Variants in USP9Y observed in about 807,000 individuals in gnomAD.
The protein encoded by USP9Y is ubiquitin carboxyl-terminal hydrolase 9Y.
In USP9Y, 41 loss-of-function variants were observed where a neutral mutation model predicts 53.1. That is an observed-to-expected ratio of 0.77 (90% CI 0.60 to 1.00). The LOEUF is 1.00. USP9Y is among the 50% of genes least tolerant of loss of function. USP9Y has a pLI of 0.00. For missense variants in USP9Y, 567 were observed against 535.8 expected, an observed-to-expected ratio of 1.06 and a Z score of -0.58; for synonymous variants, 220 against 173.7, an observed-to-expected ratio of 1.27 and a Z score of -2.09.
At position 12,745,040 on chromosome Y, in the gene USP9Y, A is replaced by C; in HGVS notation, c.1422+5411A>C. On this transcript the variant is annotated intron_variant, in intron 12 of 45. Transcript: ENST00000338981. ...GCTGGTTAGTTTACAGGAATAAGCA[A>C]TGTTAGTTTAAAATGTAGGCAGGAA... Among the ~76,000 whole-genome samples, 9 of 33,993 alleles carry C rather than the reference A, an allele frequency of 2.6e-4. No homozygotes were observed. The Middle Eastern group carries it at 0.12, about 459-fold the overall frequency. 91.2% of individuals were successfully genotyped at this position (33,993 alleles called of 37,273 possible). A position where few individuals can be genotyped will look rare whatever the true frequency, so the allele number is the denominator to read the frequency against.
At chrY:12,825,029 C>T (rs2053544892) in intron 33 of USP9Y, among the ~76,000 whole-genome samples, 1 of 32,270 alleles carries the variant, frequency 3.1e-5, no homozygotes, top group Non-Finnish European at 7.5e-5. Flanking sequence ...CAGGTTCAAG[C>T]GATTCTCCTG....
At chrY:12,775,274 C>T (rs1603199315) in intron 17 of USP9Y, among the ~76,000 whole-genome samples, 197 bp from the exon 18 acceptor site, 4 of 32,478 alleles carry the variant, frequency 1.2e-4, no homozygotes, top group East Asian at 1.6e-3. Context: ...CTTAAGCAAA[C>T]GGCTTTGTTC....
chrY:12,722,535 T>C, intron 5 of USP9Y, among the ~76,000 whole-genome samples: 1 of 32,999 alleles, frequency 3.0e-5, no homozygotes, highest in Non-Finnish European at 7.4e-5. Context: ...GGTGAGAATA[T>C]ATATTTTTTA....
At chrY:12,765,093 AT>A (rs2053479125) in intron 15 of USP9Y, among the ~76,000 whole-genome samples, 1 of 33,752 alleles carries the variant, frequency 3.0e-5, no homozygotes, top group South Asian at 6.6e-4. Flanking sequence ...ATTAAAACAT[AT>A]TTTATATATT....
intron 33 of USP9Y, among the ~76,000 whole-genome samples, chrY:12,820,634 C>A (rs2053540706): frequency 3.0e-5 from 1 of 33,367 alleles, no homozygotes; most frequent in Non-Finnish European, 7.4e-5. Flanking sequence ...TTTTTTCTTT[C>A]CCTAGCGTAT....
chrY:12,859,452 A>G lies in USP9Y; in HGVS notation c.*36A>G. 2.5e-6 allele frequency: 1 copy of G among 393,583 alleles called. No homozygotes were observed. The highest frequency in any genetic ancestry group is 3.6e-6 in the Non-Finnish European group (1 of 279,179). ...TTAACTGCTTCCTTTATGACTATGC[A>G]CTAAGGTCTTATAGTCCAAACTTTC... On this transcript the variant is annotated 3_prime_UTR_variant, in exon 46 of 46. Coordinates refer to ENST00000338981, the MANE Select transcript of USP9Y (RefSeq NM_004654.4).
intron 21 of USP9Y, 105 bp downstream of exon 21, chrY:12,778,860 G>A: frequency 1.5e-5 from 3 of 198,470 alleles, no homozygotes; most frequent in Non-Finnish European, 2.6e-5. Context: ...AAATGTCAAC[G>A]GTATAGTCAA....
chrY:12,786,529 A>G lies in USP9Y; in HGVS notation c.3290A>G (p.Tyr1097Cys). ...SQVLYLTEVV[Y>C]ALLMPAGVPL... is the part of the protein sequence containing the mutation. ...TTTTTTTTTTTTTTCCAGGTAGTTT[A>G]TGCCTTGTTAATGCCTGCTGGTGTG... is the stretch of plus-strand genomic sequence containing the variant. Residue 1097 changes from tyrosine to cysteine, a missense_variant, in exon 24 of 46, where the codon TAT (tyrosine) becomes TGT (cysteine). Transcript: ENST00000338981. 5.5e-6 allele frequency: 2 copies of G among 365,942 alleles called. No individual in the cohort carries two copies. The highest frequency in any genetic ancestry group is 7.5e-6 in the Non-Finnish European group (2 of 268,382). 91.3% of individuals were successfully genotyped at this position (365,942 alleles called of 400,897 possible).
chrY:12,710,637 T>C (rs778613980), intron 3 of USP9Y, among the ~76,000 whole-genome samples: 1 of 33,343 alleles, frequency 3.0e-5, no homozygotes, highest in East Asian at 7.7e-4. Context: ...CCTCATAGAA[T>C]GGCCTAGAAA....
intron 33 of USP9Y, 41 bp from the exon 34 acceptor site, chrY:12,833,647 G>A (rs1257304113): frequency 2.8e-6 from 1 of 359,894 alleles, no homozygotes; most frequent in African/African-American, 6.7e-5. Context: ...GATATTCTAG[G>A]CATGTATTAC....
At chrY:12,857,789 C>G in intron 45 of USP9Y, 128 bp downstream of exon 45, 1 of 161,335 alleles carries the variant, frequency 6.2e-6, no homozygotes, top group Admixed American at 1.1e-4. Flanking sequence ...ATATTTAAAA[C>G]TGGATAAACT....
chrY:12,831,386 A>G (rs2053550585), intron 33 of USP9Y, among the ~76,000 whole-genome samples: 1 of 33,250 alleles, frequency 3.0e-5, no homozygotes, highest in East Asian at 7.8e-4. Flanking sequence ...CTGTGAAAAA[A>G]TTGAAACCCT....
chrY:12,812,977 A>G lies in USP9Y; in HGVS notation c.4534A>G (p.Ile1512Val). The G allele has an allele frequency of 2.5e-6, 1 of 398,955 alleles. No homozygotes were observed. Among genetic ancestry groups the G allele is most frequent in the Middle Eastern group, 5.9e-4 (1 of 1,701 alleles). Residue 1512 changes from isoleucine to valine, a missense_variant, in exon 31 of 46, where the codon ATT becomes GTT. By Grantham distance (29) the Ile-to-Val change is conservative. Transcript: ENST00000338981. ...AGFELLVALA[I>V]GCVRNLKQIV... ...TTTTGAGCTACTTGTAGCATTAGCT[A>G]TTGGCTGTGTGAGGAATCTCAAACA...
chrY:12,854,163 C>T lies in USP9Y; in HGVS notation c.7065-2177C>T, dbSNP rs1050422452. Among the ~76,000 whole-genome samples the T allele has an allele frequency of 3.0e-4, 10 of 33,164 alleles. No homozygotes were observed. The South Asian group carries it at 5.3e-3, about 18-fold the overall frequency. 89.0% of individuals were successfully genotyped at this position (33,164 alleles called of 37,273 possible). A position where few individuals can be genotyped will look rare whatever the true frequency, so the allele number is the denominator to read the frequency against. ...AAATGTATTATAAAGCTGCAGAACA[C>T]AGTGCTTAAAGGTAAATCATTGTAA... On this transcript the variant is annotated intron_variant, in intron 42 of 45. Transcript: ENST00000338981.
rs1463828266 is a variant in USP9Y at position 12,786,781 on chromosome Y, G to A, written c.3542G>A (p.Gly1181Asp). The change falls in exon 24 of 46, where the codon GGT (glycine) becomes GAT (aspartate). Residue 1181 changes from glycine (G) to aspartate (D), a missense_variant. By Grantham distance (94) the Gly-to-Asp change is moderately conservative (BLOSUM62 -1). Coordinates refer to ENST00000338981, the MANE Select transcript of USP9Y (RefSeq NM_004654.4). ...GAAGCTTGTCAGCCAGTTGTAGATG[G>A]TACAGACCCCATAACACAGGTAATA... The part of the protein sequence containing the change: ...VAEACQPVVD[G>D]TDPITQINQV... 2.5e-6 allele frequency: 1 copy of A among 397,906 alleles called. No individual in the cohort carries two copies. Among genetic ancestry groups the A allele is most frequent in the Admixed American group, 7.4e-5 (1 of 13,429 alleles).
chrY:12,755,475 A>G, intron 12 of USP9Y, among the ~76,000 whole-genome samples: 3 of 32,440 alleles, frequency 9.2e-5, no homozygotes. Flanking sequence ...TCACCTGCCT[A>G]TTTTGTTACA....
chrY:12,706,943 T>G (rs2053419752), intron 1 of USP9Y, among the ~76,000 whole-genome samples: 2 of 32,555 alleles, frequency 6.1e-5, no homozygotes, highest in South Asian at 6.9e-4. Context: ...CAGTCTTTAG[T>G]TTTTTTTTGA....
intron 39 of USP9Y, among the ~76,000 whole-genome samples, chrY:12,844,827 G>T: frequency 3.0e-5 from 1 of 33,395 alleles, no homozygotes; most frequent in Non-Finnish European, 7.4e-5. Context: ...TCCCAGTAAG[G>T]CCTCAGGCAG....
At chrY:12,748,587 G>A (rs2053462126) in intron 12 of USP9Y, among the ~76,000 whole-genome samples, 3 of 33,324 alleles carry the variant, frequency 9.0e-5, no homozygotes, top group Non-Finnish European at 2.2e-4. Flanking sequence ...CCCTTAACTA[G>A]TAAAGAAAAT....
Sources: gnomAD v4.1 joint callset for allele counts (sites outside exome capture counted in the v4.1 genomes callset) on GRCh38, gnomAD v4.1.1 for gene constraint, MANE v1.5 for transcripts, NCBI Gene and HGNC (gene_info 2026-07-23, HGNC 2026-07-21) for gene names.